KLK5: variants seen among roughly 807,000 people sequenced by gnomAD.
The protein encoded by KLK5 is kallikrein-5.
A neutral mutation model predicts 24.0 loss-of-function variants in KLK5; 18 were observed. The ratio of observed to expected loss-of-function variants is 0.75; its 90% CI spans 0.52 to 1.11. KLK5 has a LOEUF of 1.11. Among genes scored for constraint, KLK5 ranks in the 50% most tolerant of loss-of-function variants. The probability of loss-of-function intolerance (pLI) is 0.00; values close to 1 mark genes in which losing one functional copy is unlikely to be tolerated. For missense variants in KLK5, 374 were observed against 379.2 expected, an observed-to-expected ratio of 0.99 and a Z score of 0.11; for synonymous variants, 140 against 154.0, an observed-to-expected ratio of 0.91 and a Z score of 0.67.
chr19:50,947,447 C>A lies in KLK5; in HGVS notation c.726+1193G>T, dbSNP rs554711443. Among the ~76,000 whole-genome samples, 2 of 152,280 alleles carry A rather than the reference C, an allele frequency of 1.3e-5. No homozygotes were observed. The highest frequency in any genetic ancestry group is 1.9e-4 in the East Asian group (1 of 5,184). On this transcript the variant is annotated intron_variant, in intron 5 of 5. Coordinates refer to ENST00000336334, the MANE Select transcript of KLK5 (RefSeq NM_012427.5). The surrounding 1 kb of genome is among the most constrained non-coding windows in gnomAD (Gnocchi z 8.7). ...AATGCCACCTCTCCAAGGAGGCTCC[C>A]CTGACCACCTTTTTGAATATTGGCC... is the stretch of plus-strand genomic sequence containing the variant.
intron 2 of KLK5, among the ~76,000 whole-genome samples, chr19:50,951,297 A>T (rs1260303668): frequency 2.7e-5 from 4 of 148,910 alleles, no homozygotes; most frequent in African/African-American, 7.5e-5. Flanking sequence ...TTCGAGACGG[A>T]GTTTCGCTCT....
rs758381668 is a variant in KLK5, at chr19:50,947,523, C to T, written c.726+1117G>A. 4.8e-4 allele frequency among the ~76,000 whole-genome samples: 73 copies of T among 152,150 alleles called. No individual in the cohort carries two copies. The highest frequency in any genetic ancestry group is 9.0e-4 in the Non-Finnish European group (61 of 68,034). On this transcript the variant is annotated intron_variant, in intron 5 of 5. Coordinates refer to ENST00000336334, the MANE Select transcript of KLK5 (RefSeq NM_012427.5). The surrounding 1 kb of genome is among the most constrained non-coding windows in gnomAD (Gnocchi z 8.7). ...TGTTTTATTTTGGGGTTAACCTTTACCACTCTCTGAAATTGCCCTATTTAT... is the reference window on the plus strand; with the variant it reads ...TGTTTTATTTTGGGGTTAACCTTTATCACTCTCTGAAATTGCCCTATTTAT...
At chr19:50,949,812 C>T in intron 3 of KLK5, 43 bp downstream of exon 3, 1 of 1,458,074 alleles carries the variant, frequency 6.9e-7, no homozygotes, top group Non-Finnish European at 9.3e-7. Flanking sequence ...CCCACCCCCA[C>T]TTCCCCGTCC....
intron 3 of KLK5, 127 bp from the exon 4 acceptor site, chr19:50,949,242 C>T: frequency 1.2e-6 from 1 of 841,410 alleles, no homozygotes; most frequent in Non-Finnish European, 1.8e-6. Flanking sequence ...CCATCCTCAA[C>T]TCCCTCTTGG....
chr19:50,948,599 C>T (rs1293823382), intron 5 of KLK5, 41 bp downstream of exon 5: 2 of 1,604,616 alleles, frequency 1.2e-6, no homozygotes, highest in African/African-American at 1.3e-5. Context: ...ACCGAGTTGG[C>T]ACTCAGTGTG....
intron 2 of KLK5, among the ~76,000 whole-genome samples, chr19:50,951,834 C>T (rs533262960): frequency 6.6e-6 from 1 of 152,168 alleles, no homozygotes; most frequent in Non-Finnish European, 1.5e-5. Context: ...CAGACTGCCA[C>T]ATACTCTTCT....
rs1044771819 is a variant in KLK5 at position 50,947,273 on chromosome 19, G to A, written c.726+1367C>T. Among the ~76,000 whole-genome samples, 41 of 152,142 alleles carry A rather than the reference G, an allele frequency of 2.7e-4. 1 individual carries two copies. Among genetic ancestry groups the A allele is most frequent in the Non-Finnish European group, 5.4e-4 (37 of 68,036 alleles). Reference sequence around the variant, plus strand: ...ACCTCCAGCGTCACTTTCTACTGTTGCCCCCACTTTTGTTCTCCAGTTGCA... The same window carrying A: ...ACCTCCAGCGTCACTTTCTACTGTTACCCCCACTTTTGTTCTCCAGTTGCA... On this transcript the variant is annotated intron_variant, in intron 5 of 5. Transcript: ENST00000336334. This position sits in a 1 kb window ranked among gnomAD's most constrained non-coding sequence, Gnocchi z 8.7.
intron 5 of KLK5, among the ~76,000 whole-genome samples, chr19:50,944,320 T>G (rs1017733024): frequency 8.5e-5 from 13 of 152,094 alleles, no homozygotes; most frequent in African/African-American, 2.4e-4. Flanking sequence ...AGTTCAACCT[T>G]TAGACCCCAT....
Position 50,952,934 on chromosome 19 carries a change from A to C in KLK5, c.-199T>G. Reference sequence around the variant, plus strand: ...CTTCCCTGCCTGCTGAGCCACCCTCACCAGGTCTCACTTGCCCTGTCCCCC... The same window carrying C: ...CTTCCCTGCCTGCTGAGCCACCCTCCCCAGGTCTCACTTGCCCTGTCCCCC... On this transcript the variant is annotated 5_prime_UTR_variant, in exon 1 of 6. Coordinates refer to ENST00000336334, the MANE Select transcript of KLK5 (RefSeq NM_012427.5). The C allele has an allele frequency of 3.2e-6, 1 of 314,694 alleles. No individual in the cohort carries two copies. The highest frequency in any genetic ancestry group is 5.8e-6 in the Non-Finnish European group (1 of 172,008). 19.5% of individuals were successfully genotyped at this position (314,694 alleles called of 1,614,324 possible). A position where few individuals can be genotyped will look rare whatever the true frequency, so the allele number is the denominator to read the frequency against.
rs533076718 is a variant in KLK5 at position 50,946,799 on chromosome 19, T to A, written c.726+1841A>T. Among the ~76,000 whole-genome samples the A allele has an allele frequency of 3.1e-3, 469 of 152,190 alleles. 1 individual carries two copies. Among genetic ancestry groups the A allele is most frequent in the African/African-American group, 0.011 (451 of 41,514 alleles). Reference sequence around the variant, plus strand: ...TGGTCTCCATCTCCTGACCTAGTGATCCACCCGCCTCGGCCTCCCAAAGTG... The same window carrying A: ...TGGTCTCCATCTCCTGACCTAGTGAACCACCCGCCTCGGCCTCCCAAAGTG... On this transcript the variant is annotated intron_variant, in intron 5 of 5. Coordinates refer to ENST00000336334, the MANE Select transcript of KLK5 (RefSeq NM_012427.5).
chr19:50,952,832 T>C lies in KLK5; in HGVS notation c.-97A>G, dbSNP rs2090699922. The C allele has an allele frequency of 6.4e-6, 3 of 466,430 alleles. No homozygotes were observed. Among genetic ancestry groups the C allele is most frequent in the South Asian group, 4.0e-5 (1 of 25,130 alleles). 28.9% of individuals were successfully genotyped at this position (466,430 alleles called of 1,614,324 possible). ...CCCAGGCACTATAGAATTCAGAAGA[T>C]AGGAGTCTAGCAGCCTCCAGACAGG... On this transcript the variant is annotated 5_prime_UTR_variant, in exon 1 of 6. Transcript: ENST00000336334.
At position 50,947,715 on chromosome 19, in the gene KLK5, A is replaced by T. The variant is rs2090647978; in HGVS notation, c.726+925T>A. Among the ~76,000 whole-genome samples, 1 of 152,208 alleles carries T rather than the reference A, an allele frequency of 6.6e-6. No homozygotes were observed. The highest frequency in any genetic ancestry group is 2.4e-5 in the African/African-American group (1 of 41,452). The stretch of plus-strand genomic sequence containing the variant: ...TACCAGCACTTGCTAGAAAACTGTC[A>T]TATTACAGATTTTGTTGAAACAAGA... On this transcript the variant is annotated intron_variant, in intron 5 of 5. Coordinates refer to ENST00000336334, the MANE Select transcript of KLK5 (RefSeq NM_012427.5). The surrounding 1 kb of genome is among the most constrained non-coding windows in gnomAD (Gnocchi z 8.7).
chr19:50,947,242 G>A lies in KLK5; in HGVS notation c.726+1398C>T, dbSNP rs2090643632. Among the ~76,000 whole-genome samples, 1 of 152,184 alleles carries A rather than the reference G, an allele frequency of 6.6e-6. No individual in the cohort carries two copies. The highest frequency in any genetic ancestry group is 1.5e-5 in the Non-Finnish European group (1 of 68,030). ...AAATACTTGCAGAGCATTCGCCCCT[G>A]CCTACACCTCCAGCGTCACTTTCTA... On this transcript the variant is annotated intron_variant, in intron 5 of 5. Coordinates refer to ENST00000336334, the MANE Select transcript of KLK5 (RefSeq NM_012427.5). This position sits in a 1 kb window ranked among gnomAD's most constrained non-coding sequence, Gnocchi z 8.7.
In KLK5 at chr19:50,951,232, T is replaced by G. The variant is rs149305502; in HGVS notation, c.74-1116A>C. Among the ~76,000 whole-genome samples the G allele has an allele frequency of 3.0e-3, 458 of 152,114 alleles. 4 individuals carry two copies. The highest frequency in any genetic ancestry group is 0.011 in the African/African-American group (438 of 41,516). ...ACTACATGCATGCCCCACTCCATCA[T>G]CAGTCCTCCCGTGCCCATTCACTGG... On this transcript the variant is annotated intron_variant, in intron 2 of 5. Transcript: ENST00000336334.
At position 50,948,952 on chromosome 19, in the gene KLK5, T is replaced by C. The variant is rs1236717783; in HGVS notation, c.499A>G (p.Lys167Glu). The C allele has an allele frequency of 6.2e-7, 1 of 1,613,996 alleles. No homozygotes were observed. Among genetic ancestry groups the C allele is most frequent in the Non-Finnish European group, 8.5e-7 (1 of 1,179,980 alleles). The stretch of plus-strand genomic sequence containing the variant: ...GAGACGTTGATGGGTCTGACATCTT[T>C]AGTGGGACGAATTCTTCTGTTCAGT... ...IKLNRRIRPT[K>E]DVRPINVSSH... Residue 167 changes from lysine to glutamate, a missense_variant, in exon 4 of 6, where the codon AAA (lysine) becomes GAA (glutamate). Lys to Glu is a moderately conservative substitution (Grantham distance 56). Coordinates refer to ENST00000336334, the MANE Select transcript of KLK5 (RefSeq NM_012427.5).
rs562191015 is a variant in KLK5, at chr19:50,948,376, G to A, written c.726+264C>T. Among the ~76,000 whole-genome samples the A allele has an allele frequency of 4.1e-4, 63 of 152,222 alleles. 4 individuals are homozygous for A. In the South Asian group the frequency reaches 0.013, roughly 32 times the overall value. ...GACCAAAGGTGATCTGCCTGCCTCA[G>A]CCTCCCAAAGTGCTGGGATTACAGG... On this transcript the variant is annotated intron_variant, in intron 5 of 5. Transcript: ENST00000336334.
intron 5 of KLK5, 51 bp from the exon 6 acceptor site, chr19:50,943,837 G>T: frequency 6.6e-7 from 1 of 1,508,120 alleles, no homozygotes; most frequent in South Asian, 1.2e-5. Context: ...GGCAAAGTGG[G>T]CAGAAGGAGA....
In KLK5 at chr19:50,943,514, AG is replaced by A; in HGVS notation, c.*116del. The A allele has an allele frequency of 5.1e-6, 5 of 975,928 alleles. No homozygotes were observed. In the South Asian group the frequency reaches 8.0e-5, roughly 16 times the overall value. The allele number at this position is 975,928 out of a possible 1,614,324, so 60.5% of individuals were successfully genotyped here. On this transcript the variant is annotated 3_prime_UTR_variant, in exon 6 of 6. Coordinates refer to ENST00000336334, the MANE Select transcript of KLK5 (RefSeq NM_012427.5). ...CCCTGAGTCCAGGAGACATGGGGTCAGGGGCTGGAGAGATGAACATTCTCAA... is the reference window on the plus strand; with the variant it reads ...CCCTGAGTCCAGGAGACATGGGGTCAGGGCTGGAGAGATGAACATTCTCAA...
At chr19:50,951,187 T>A (rs2090684601) in intron 2 of KLK5, among the ~76,000 whole-genome samples, 1 of 152,020 alleles carries the variant, frequency 6.6e-6, no homozygotes, top group South Asian at 2.1e-4. Context: ...AATCTCCTCC[T>A]CTCACACACA....
Sources: allele counts gnomAD v4.1 joint callset (sites outside exome capture counted in the v4.1 genomes callset), GRCh38; gene constraint gnomAD v4.1.1; non-coding constraint Gnocchi (gnomAD v3.1); transcripts MANE v1.5; gene names NCBI Gene and HGNC (gene_info 2026-07-23, HGNC 2026-07-21).